CEP68: variants seen among roughly 807,000 people sequenced by gnomAD.
The protein encoded by CEP68 is centrosomal protein of 68 kDa.
A neutral mutation model predicts 55.3 loss-of-function variants in CEP68; 26 were observed. The observed-to-expected ratio is 0.47, with a 90% CI of 0.34 to 0.65. The LOEUF is 0.65. Among genes scored for constraint, CEP68 ranks in the 30% least tolerant of loss-of-function variants. The pLI is 0.01. For missense variants in CEP68, 957 were observed against 946.7 expected, an observed-to-expected ratio of 1.01 and a Z score of -0.14; for synonymous variants, 402 against 383.2, an observed-to-expected ratio of 1.05 and a Z score of -0.57.
intron 1 of CEP68, among the ~76,000 whole-genome samples, chr2:65,066,037 C>T (rs1441278203): frequency 1.3e-5 from 2 of 152,012 alleles, no homozygotes; most frequent in Admixed American, 6.6e-5. Context: ...GGAGCCTGTC[C>T]CAGCAGCTGA....
intron 1 of CEP68, among the ~76,000 whole-genome samples, chr2:65,058,395 C>A (rs566234576): frequency 2.7e-5 from 4 of 150,416 alleles, no homozygotes; most frequent in Non-Finnish European, 4.4e-5. Context: ...GTAGAGATGA[C>A]GTCTCTCTAT....
chr2:65,082,685 C>A lies in CEP68; in HGVS notation c.2254C>A (p.His752Asn). The A allele has an allele frequency of 3.8e-6, 6 of 1,599,500 alleles. No homozygotes were observed. Among genetic ancestry groups the A allele is most frequent in the Non-Finnish European group, 5.1e-6 (6 of 1,175,490 alleles). Residue 752 changes from histidine (H) to asparagine (N), a missense_variant, in exon 6 of 7, where the codon CAC becomes AAC. His to Asn is a moderately conservative substitution (Grantham distance 68). Coordinates refer to ENST00000377990, the MANE Select transcript of CEP68 (RefSeq NM_015147.3). ...PDKKPMAAMEHPCEGV is the reference protein window; with the variant it reads ...PDKKPMAAMENPCEGV Reference sequence around the variant, plus strand: ...CAAAAAGCCCATGGCGGCAATGGAGCACCCATGTGAAGGGGTTTAACCTGG... The same window carrying A: ...CAAAAAGCCCATGGCGGCAATGGAGAACCCATGTGAAGGGGTTTAACCTGG...
At chr2:65,068,909 C>G (rs1676325227) in intron 1 of CEP68, among the ~76,000 whole-genome samples, 1 of 152,188 alleles carries the variant, frequency 6.6e-6, no homozygotes, top group South Asian at 2.1e-4. Context: ...GGGCATTCTT[C>G]CAGTGCCCAG....
At chr2:65,064,720 C>T (rs1676077078) in intron 1 of CEP68, among the ~76,000 whole-genome samples, 1 of 136,780 alleles carries the variant, frequency 7.3e-6, no homozygotes, top group African/African-American at 2.8e-5. Context: ...GGCGAAAAAG[C>T]GAGACTCCGT....
chr2:65,080,145 A>AT, intron 5 of CEP68: 2 of 703,540 alleles, frequency 2.8e-6, no homozygotes, highest in Non-Finnish European at 3.5e-6. Context: ...AAAAAAAAAA[A>AT]GGCCTCTTAA....
In CEP68 at chr2:65,085,788, G is replaced by T. The variant is rs879751432; in HGVS notation, c.*2154G>T. The T allele has an allele frequency of 1.3e-5, 2 of 152,110 alleles. No homozygotes were observed. The highest frequency in any genetic ancestry group is 4.8e-5 in the African/African-American group (2 of 41,404). The allele number at this position is 152,110 out of a possible 1,614,324, so 9.4% of individuals were successfully genotyped here. A position where few individuals can be genotyped will look rare whatever the true frequency, so the allele number is the denominator to read the frequency against. On this transcript the variant is annotated 3_prime_UTR_variant, in exon 7 of 7. Transcript: ENST00000377990. ...ATGGCACCACTGCACTCCAGCCTGG[G>T]CAACAGAGTGAGACTCTTGTCTCAA...
intron 1 of CEP68, among the ~76,000 whole-genome samples, chr2:65,062,665 G>A (rs557317149): frequency 6.6e-6 from 1 of 152,000 alleles, no homozygotes; most frequent in South Asian, 2.1e-4. Flanking sequence ...TCGAAACCCT[G>A]TCCCTACTAA....
At chr2:65,062,990 GAAGT>G (rs1675986465) in intron 1 of CEP68, among the ~76,000 whole-genome samples, 3 of 152,256 alleles carry the variant, frequency 2.0e-5, no homozygotes, top group African/African-American at 7.2e-5. Context: ...ATCTTGGACA[GAAGT>G]GAGTGGGAGG....
At chr2:65,058,844 G>C (rs986228580) in intron 1 of CEP68, among the ~76,000 whole-genome samples, 2 of 152,050 alleles carry the variant, frequency 1.3e-5, no homozygotes, top group Admixed American at 6.5e-5. Context: ...AGCCTTTCCT[G>C]ATTCTCTTTC....
rs79317259 is a variant in CEP68 at position 65,061,546 on chromosome 2, A to G, written c.-47+5018A>G. The stretch of plus-strand genomic sequence containing the variant: ...CTCCGTAGCTTTGAGTCTTTTCTTC[A>G]TTTTCACTTTACTTTGATTTTACCT... On this transcript the variant is annotated intron_variant, in intron 1 of 6. Coordinates refer to ENST00000377990, the MANE Select transcript of CEP68 (RefSeq NM_015147.3). Among the ~76,000 whole-genome samples the G allele has an allele frequency of 7.4e-3, 1,121 of 152,332 alleles. 11 individuals are homozygous for G. Among genetic ancestry groups the G allele is most frequent in the African/African-American group, 0.026 (1,064 of 41,574 alleles).
chr2:65,079,611 A>G (rs183733453), intron 5 of CEP68, among the ~76,000 whole-genome samples: 11 of 152,290 alleles, frequency 7.2e-5, no homozygotes, highest in African/African-American at 2.6e-4. Flanking sequence ...CCATGTGCCA[A>G]GCTCCTTTGC....
chr2:65,067,923 G>A (rs1676273629), intron 1 of CEP68, among the ~76,000 whole-genome samples: 1 of 152,126 alleles, frequency 6.6e-6, no homozygotes, highest in Non-Finnish European at 1.5e-5. Flanking sequence ...GGCCCTCTTG[G>A]ATTCCAGTGC....
chr2:65,064,117 T>G (rs898018943), intron 1 of CEP68, among the ~76,000 whole-genome samples: 1 of 152,224 alleles, frequency 6.6e-6, no homozygotes, highest in Non-Finnish European at 1.5e-5. Context: ...ATTTCAGATC[T>G]TCTTACCTGG....
At chr2:65,074,643 C>T in intron 4 of CEP68, 1 of 520,920 alleles carries the variant, frequency 1.9e-6, no homozygotes, top group South Asian at 1.9e-5. Context: ...ATCAAAAATA[C>T]TTTAGGTTTT....
At chr2:65,081,990 G>A (rs1668847611) in intron 5 of CEP68, among the ~76,000 whole-genome samples, 1 of 152,228 alleles carries the variant, frequency 6.6e-6, no homozygotes, top group Non-Finnish European at 1.5e-5. Context: ...GTGAGCCACT[G>A]CGCCTGGCCA....
Position 65,086,568 on chromosome 2 carries a change from T to G in CEP68, c.*2934T>G, listed in dbSNP as rs1669033196. On this transcript the variant is annotated 3_prime_UTR_variant, in exon 7 of 7. Transcript: ENST00000377990. The stretch of plus-strand genomic sequence containing the variant: ...TGTAAATATGCTCATCTTAAGTTCA[T>G]GTAATGTTTCCGCTAACTCACCAAG... The G allele has an allele frequency of 6.6e-6, 1 of 152,244 alleles. No homozygotes were observed. The highest frequency in any genetic ancestry group is 6.5e-5 in the Admixed American group (1 of 15,286). 9.4% of individuals were successfully genotyped at this position (152,244 alleles called of 1,614,324 possible). A position where few individuals can be genotyped will look rare whatever the true frequency, so the allele number is the denominator to read the frequency against.
At chr2:65,078,567 T>G (rs1241867903) in intron 5 of CEP68, among the ~76,000 whole-genome samples, 2 of 152,214 alleles carry the variant, frequency 1.3e-5, no homozygotes, top group South Asian at 2.1e-4. Flanking sequence ...AGATGGAGTT[T>G]CGCTCTTGTT....
chr2:65,059,177 TC>T (rs1194889091), intron 1 of CEP68, among the ~76,000 whole-genome samples: 2 of 152,130 alleles, frequency 1.3e-5, no homozygotes, highest in African/African-American at 4.8e-5. Context: ...TTCACCAACA[TC>T]ATGAAAAGCC....
intron 4 of CEP68, 26 bp from the exon 5 acceptor site, chr2:65,077,842 C>A: frequency 6.4e-7 from 1 of 1,559,982 alleles, no homozygotes; most frequent in Non-Finnish European, 8.8e-7. Flanking sequence ...AAGCTTCTGC[C>A]TTTTCTTTTT....
Sources: gnomAD v4.1 joint callset for allele counts (sites outside exome capture counted in the v4.1 genomes callset) on GRCh38, gnomAD v4.1.1 for gene constraint, MANE v1.5 for transcripts, NCBI Gene and HGNC (gene_info 2026-07-23, HGNC 2026-07-21) for gene names.